Variants in RBFOX3 observed in about 807,000 individuals in gnomAD.
RBFOX3 encodes the protein RNA binding protein fox-1 homolog 3.
In RBFOX3, 17 loss-of-function variants were observed where a neutral mutation model predicts 48.7. The observed-to-expected ratio is 0.35, with a 90% CI of 0.24 to 0.52. The LOEUF (loss-of-function observed/expected upper bound fraction) is 0.52. Ranked by LOEUF, RBFOX3 falls within the 20% of genes least tolerant of loss-of-function variation. The pLI is 0.94. For missense variants in RBFOX3, 382 were observed against 497.5 expected (o/e 0.77, Z 2.21); for synonymous variants, 212 against 209.5 (o/e 1.01, Z -0.10).
chr17:79,180,290 C>T (rs777872469), intron 4 of RBFOX3, among the ~76,000 whole-genome samples: 102 of 152,300 alleles, frequency 6.7e-4, no homozygotes, highest in Non-Finnish European at 3.4e-4. Flanking sequence ...AACGGAATTC[C>T]GCTGGGTGAG....
chr17:79,571,210 G>C (rs1256953840), intron 1 of RBFOX3, among the ~76,000 whole-genome samples: 1 of 152,124 alleles, frequency 6.6e-6, no homozygotes, highest in Non-Finnish European at 1.5e-5. Flanking sequence ...GGGTCCCCTA[G>C]CATCTCTGGG....
chr17:79,172,570 C>A (rs995622479), intron 4 of RBFOX3, among the ~76,000 whole-genome samples: 1 of 152,148 alleles, frequency 6.6e-6, no homozygotes, highest in African/African-American at 2.4e-5. Context: ...CTTGGGGAGC[C>A]GGAGGGTCTG....
chr17:79,101,609 C>T lies in RBFOX3; in HGVS notation c.543G>A (p.Lys181=). The T allele has an allele frequency of 6.4e-7, 1 of 1,551,312 alleles. No individual in the cohort carries two copies. The highest frequency in any genetic ancestry group is 8.7e-7 in the Non-Finnish European group (1 of 1,146,952). ...CGTTGGTGTAGGGGTTCCCCGTCTTCTTGTTGGTCATCACTCGGGCCGTGG... is the reference window on the plus strand; with the variant it reads ...CGTTGGTGTAGGGGTTCCCCGTCTTTTTGTTGGTCATCACTCGGGCCGTGG... ...NNATARVMTN[K]KTGNPYTNGW... is the part of the protein sequence containing the mutation. Residue 181 remains lysine, a synonymous_variant, in exon 9 of 15, where the codon AAG becomes AAA. Coordinates refer to ENST00000693108, the MANE Select transcript of RBFOX3 (RefSeq NM_001350451.2).
rs562168261 is a variant in RBFOX3, at chr17:79,361,540, T to C, written c.-174-53716A>G. Among the ~76,000 whole-genome samples the C allele has an allele frequency of 3.6e-4, 55 of 152,340 alleles. 1 individual carries two copies. The highest frequency in any genetic ancestry group is 6.6e-4 in the Non-Finnish European group (45 of 68,030). On this transcript the variant is annotated intron_variant, in intron 2 of 14. Transcript: ENST00000693108. This position sits in a 1 kb window ranked among gnomAD's most constrained non-coding sequence, Gnocchi z 4.5. ...CCCGCGTGGCTCTCTGTGCCACAGC[T>C]GGAGAGGGCCCAGCTGATCAGCAGC... is the stretch of plus-strand genomic sequence containing the variant.
intron 3 of RBFOX3, among the ~76,000 whole-genome samples, chr17:79,251,510 C>T (rs184429052): frequency 1.4e-3 from 208 of 152,316 alleles, no homozygotes; most frequent in Non-Finnish European, 2.0e-3. Flanking sequence ...TCCCTTGTCT[C>T]CAGTGCCCAC....
the RBFOX3 span, among the ~76,000 whole-genome samples, chr17:79,664,053 G>A: frequency 2.0e-5 from 3 of 152,204 alleles, no homozygotes; most frequent in African/African-American, 7.2e-5. Flanking sequence ...TTGTCTTTGG[G>A]GTTCCTGCAC....
Position 79,540,084 on chromosome 17 carries a change from C to G in RBFOX3, c.-319-57486G>C, listed in dbSNP as rs146852862. On this transcript the variant is annotated intron_variant, in intron 1 of 14. Coordinates refer to ENST00000693108, the MANE Select transcript of RBFOX3 (RefSeq NM_001350451.2). ...TTTAATGGATCCGTTTCCTCTCCTT[C>G]CTCATGAAAACCTGCTGTGTCCAGG... 2.8e-3 allele frequency among the ~76,000 whole-genome samples: 427 copies of G among 152,320 alleles called. 5 individuals are homozygous for G. Among genetic ancestry groups the G allele is most frequent in the Middle Eastern group, 0.024 (7 of 294 alleles).
At position 79,555,492 on chromosome 17, in the gene RBFOX3, AGTGGTG is replaced by A. The variant is rs1294825102; in HGVS notation, c.-320+55328_-320+55333del. Among the ~76,000 whole-genome samples, 40 of 45,744 alleles carry A rather than the reference AGTGGTG, an allele frequency of 8.7e-4. No individual in the cohort carries two copies. In the South Asian group the frequency reaches 0.015, roughly 17 times the overall value. 30.0% of individuals were successfully genotyped at this position (45,744 alleles called of 152,430 possible). On this transcript the variant is annotated intron_variant, in intron 1 of 14. Transcript: ENST00000693108. ...TGACAATGATAATGGTGGTGATGAC[AGTGGTG>A]GTGGTGGTGGTGATGGTGGTGGTGA...
In RBFOX3 at chr17:79,138,191, G is replaced by C. The variant is rs774638573; in HGVS notation, c.-33-22443C>G. On this transcript the variant is annotated intron_variant, in intron 4 of 14. Transcript: ENST00000693108. ...CACACTCCCACCGCAGGAGCAACCTGTACATGCCTGCACACTCACTGCACA... is the reference window on the plus strand; with the variant it reads ...CACACTCCCACCGCAGGAGCAACCTCTACATGCCTGCACACTCACTGCACA... 6.4e-4 allele frequency among the ~76,000 whole-genome samples: 98 copies of C among 152,144 alleles called. 2 individuals are homozygous for C. Among genetic ancestry groups the C allele is most frequent in the Non-Finnish European group, 1.8e-4 (12 of 68,008 alleles).
chr17:79,594,397 A>C (rs1747996360), intron 1 of RBFOX3, among the ~76,000 whole-genome samples: 1 of 152,188 alleles, frequency 6.6e-6, no homozygotes, highest in African/African-American at 2.4e-5. Flanking sequence ...CATAGCAAGG[A>C]AAGAGATGGA....
At chr17:79,453,143 G>A (rs992981637) in intron 2 of RBFOX3, among the ~76,000 whole-genome samples, 4 of 152,336 alleles carry the variant, frequency 2.6e-5, no homozygotes, top group East Asian at 1.9e-4. Flanking sequence ...CTGTAAACCC[G>A]GGATGAAATG....
intron 3 of RBFOX3, among the ~76,000 whole-genome samples, chr17:79,303,078 G>A (rs1245370558): frequency 3.9e-5 from 6 of 151,938 alleles, no homozygotes; most frequent in Non-Finnish European, 7.4e-5. Context: ...TTTTGATGGT[G>A]TGCACCTGTG....
chr17:79,355,438 G>C (rs762607450), intron 2 of RBFOX3, among the ~76,000 whole-genome samples: 2 of 152,170 alleles, frequency 1.3e-5, no homozygotes, highest in African/African-American at 2.4e-5. Flanking sequence ...CCCAAGCCAA[G>C]TGGCCCCGGG....
At chr17:79,117,504 C>T (rs189242549) in intron 4 of RBFOX3, among the ~76,000 whole-genome samples, 94 of 152,346 alleles carry the variant, frequency 6.2e-4, no homozygotes, top group African/African-American at 2.1e-3. Flanking sequence ...GGGGCTGCCC[C>T]CGCAGGGCGG....
intron 2 of RBFOX3, among the ~76,000 whole-genome samples, chr17:79,441,117 G>A (rs548121771): frequency 4.2e-4 from 64 of 152,318 alleles, no homozygotes; most frequent in Middle Eastern, 3.4e-3. Flanking sequence ...GAGACACAGC[G>A]GAAGGATTTG....
chr17:79,355,749 G>T lies in RBFOX3; in HGVS notation c.-174-47925C>A, dbSNP rs115543127. 2.5e-3 allele frequency among the ~76,000 whole-genome samples: 376 copies of T among 152,082 alleles called. 1 individual carries two copies. Among genetic ancestry groups the T allele is most frequent in the African/African-American group, 8.6e-3 (357 of 41,496 alleles). ...GCTCACACCATCATGCTCAGCTAAT[G>T]TTTTAATTTTTAGTAGAGATGGGAT... is the stretch of plus-strand genomic sequence containing the variant. On this transcript the variant is annotated intron_variant, in intron 2 of 14. Transcript: ENST00000693108.
At chr17:79,513,631 T>C (rs1708860) in intron 1 of RBFOX3, among the ~76,000 whole-genome samples, 2 of 152,164 alleles carry the variant, frequency 1.3e-5, no homozygotes, top group Middle Eastern at 3.2e-3. Context: ...ATCACAGCTC[T>C]GCCTCTTACC....
At position 79,391,205 on chromosome 17, in the gene RBFOX3, C is replaced by T. The variant is rs1468189102; in HGVS notation, c.-174-83381G>A. ...TATCAAACTCCAGCTTCTCTTCAAC[C>T]GTCAGCGACTTCCCCACTGCTTGCA... is the stretch of plus-strand genomic sequence containing the variant. On this transcript the variant is annotated intron_variant, in intron 2 of 14. Coordinates refer to ENST00000693108, the MANE Select transcript of RBFOX3 (RefSeq NM_001350451.2). This position sits in a 1 kb window ranked among gnomAD's most constrained non-coding sequence, Gnocchi z 5.0. 2.6e-5 allele frequency among the ~76,000 whole-genome samples: 4 copies of T among 152,060 alleles called. No homozygotes were observed. Among genetic ancestry groups the T allele is most frequent in the Non-Finnish European group, 4.4e-5 (3 of 68,024 alleles).
intron 4 of RBFOX3, among the ~76,000 whole-genome samples, chr17:79,178,131 C>A (rs2051025355): frequency 6.6e-6 from 1 of 152,232 alleles, no homozygotes; most frequent in African/African-American, 2.4e-5. Context: ...TCCTTCCCCG[C>A]CGCCACGTCC....
Sources: allele counts gnomAD v4.1 joint callset (sites outside exome capture counted in the v4.1 genomes callset), GRCh38; gene constraint gnomAD v4.1.1; non-coding constraint Gnocchi (gnomAD v3.1); transcripts MANE v1.5; gene names NCBI Gene and HGNC (gene_info 2026-07-23, HGNC 2026-07-21).